The following ZNF782 variants were observed in gnomAD, a reference collection of about 807,000 sequenced individuals.
ZNF782 encodes zinc finger protein 782.
A neutral mutation model predicts 13.0 loss-of-function variants in ZNF782; 12 were observed. That is an observed-to-expected ratio of 0.92 (90% CI 0.59 to 1.50). ZNF782 has a LOEUF of 1.50. Ranked by LOEUF, ZNF782 falls within the 40% of genes most tolerant of loss-of-function variation. ZNF782 has a pLI of 0.00. For synonymous variants in ZNF782, 284 were observed against 283.0 expected (o/e 1.00, Z -0.04); for missense variants, 770 against 822.9 (o/e 0.94, Z 0.79).
At chr9:96,920,359 T>A in the ZNF782 span, among the ~76,000 whole-genome samples, 1 of 145,882 alleles carries the variant, frequency 6.9e-6, no homozygotes, top group Non-Finnish European at 1.5e-5. Flanking sequence ...CTCTGCCTCC[T>A]GGGTTCATGC....
intron 3 of ZNF782, 56 bp from the exon 4 acceptor site, chr9:96,845,072 G>A (rs559211923): frequency 1.6e-5 from 26 of 1,601,474 alleles, no homozygotes; most frequent in East Asian, 1.1e-4. Context: ...AAAGGAAAAC[G>A]TTTTCGGAAA....
the ZNF782 span, among the ~76,000 whole-genome samples, chr9:96,882,710 T>C: frequency 6.6e-6 from 1 of 152,226 alleles, no homozygotes; most frequent in Non-Finnish European, 1.5e-5. Context: ...CATTCCATGA[T>C]TGTTTTAACT....
intron 4 of ZNF782, among the ~76,000 whole-genome samples, chr9:96,841,225 A>T (rs1258997907): frequency 6.6e-6 from 1 of 151,960 alleles, no homozygotes; most frequent in African/African-American, 2.4e-5. Flanking sequence ...GAATATCCAT[A>T]TATATGACTT....
chr9:96,890,693 G>A, the ZNF782 span: 1 of 152,164 alleles, frequency 6.6e-6, no homozygotes, highest in Non-Finnish European at 1.5e-5. Flanking sequence ...CTGTGCCTTA[G>A]CCACCTTTTA....
At chr9:96,925,727 A>C in the ZNF782 span, among the ~76,000 whole-genome samples, 1 of 148,804 alleles carries the variant, frequency 6.7e-6, no homozygotes, top group Middle Eastern at 3.4e-3. Context: ...CTTTCTGCTC[A>C]TTTGCAGGAT....
At chr9:96,878,148 A>G (rs1851917041), upstream of ZNF782, among the ~76,000 whole-genome samples, 1 of 152,212 alleles carries the variant, frequency 6.6e-6, no homozygotes, top group African/African-American at 2.4e-5. Flanking sequence ...TCCCGGGTTC[A>G]AGAGATTCTC....
chr9:96,888,823 C>G, the ZNF782 span: 1 of 152,324 alleles, frequency 6.6e-6, no homozygotes, highest in African/African-American at 2.4e-5. Flanking sequence ...GCAAAAGCAT[C>G]TGTCATGAAT....
At chr9:96,876,744 G>T (rs1229850615), upstream of ZNF782, among the ~76,000 whole-genome samples, 4 of 151,886 alleles carry the variant, frequency 2.6e-5, no homozygotes, top group Non-Finnish European at 4.4e-5. Flanking sequence ...TGTGGCTCAC[G>T]CCTGTAATCC....
chr9:96,849,509 A>G (rs1479431209), intron 3 of ZNF782, among the ~76,000 whole-genome samples: 1 of 152,266 alleles, frequency 6.6e-6, no homozygotes, highest in Non-Finnish European at 1.5e-5. Flanking sequence ...TTATACAAAT[A>G]TCAACTCAAG....
the ZNF782 span, among the ~76,000 whole-genome samples, chr9:96,912,297 C>T: frequency 2.9e-5 from 4 of 139,770 alleles, no homozygotes; most frequent in Non-Finnish European, 6.2e-5. Flanking sequence ...GAGGCTAAGG[C>T]GGGCAGATCA....
At chr9:96,852,289 G>T (rs1470910712) in intron 2 of ZNF782, among the ~76,000 whole-genome samples, 1 of 152,170 alleles carries the variant, frequency 6.6e-6, no homozygotes, top group Non-Finnish European at 1.5e-5. Flanking sequence ...CAAAAATAAA[G>T]ACAATACAGG....
chr9:96,839,277 CTTTT>C (rs201411107), intron 4 of ZNF782, among the ~76,000 whole-genome samples: 1 of 100,228 alleles, frequency 1.0e-5, no homozygotes, highest in Non-Finnish European at 2.3e-5. Context: ...TTACTTGGGA[CTTTT>C]TTTTTTTTTT....
At chr9:96,898,264 A>T in the ZNF782 span, 1 of 148,914 alleles carries the variant, frequency 6.7e-6, no homozygotes. Flanking sequence ...CTTCACATCA[A>T]AGGAGACCAA....
At chr9:96,877,894 T>C (rs1479895576), upstream of ZNF782, among the ~76,000 whole-genome samples, 1 of 152,272 alleles carries the variant, frequency 6.6e-6, no homozygotes, top group African/African-American at 2.4e-5. Context: ...GCTTCTGTTT[T>C]ATTAAATACA....
chr9:96,851,909 CATT>C (rs768258658), intron 3 of ZNF782, 35 bp downstream of exon 3: 1 of 1,603,502 alleles, frequency 6.2e-7, no homozygotes, highest in Non-Finnish European at 8.5e-7. Context: ...TCATAAAATC[CATT>C]ACAATACAAA....
intron 5 of ZNF782, among the ~76,000 whole-genome samples, chr9:96,825,355 G>A (rs1850581702): frequency 6.6e-6 from 1 of 150,690 alleles, no homozygotes. Flanking sequence ...CTAGCCATAT[G>A]TAGAAAGCTG....
At chr9:96,922,628 G>C in the ZNF782 span, among the ~76,000 whole-genome samples, 3 of 151,958 alleles carry the variant, frequency 2.0e-5, no homozygotes, top group Admixed American at 6.5e-5. Flanking sequence ...CAAAAAAATA[G>C]CCGGGCCTGG....
intron 1 of ZNF782, among the ~76,000 whole-genome samples, chr9:96,867,207 T>C (rs917958601): frequency 2.6e-5 from 4 of 152,174 alleles, no homozygotes; most frequent in African/African-American, 7.2e-5. Context: ...TTTCCACGTG[T>C]TGTGGGAGGG....
the ZNF782 span, among the ~76,000 whole-genome samples, chr9:96,927,352 T>C: frequency 3.3e-5 from 5 of 152,058 alleles, no homozygotes; most frequent in South Asian, 1.0e-3. Context: ...AGCCACTTTA[T>C]GTTAGGAAAG....
Sources: allele counts gnomAD v4.1 joint callset (sites outside exome capture counted in the v4.1 genomes callset), GRCh38; gene constraint gnomAD v4.1.1; transcripts MANE v1.5; gene names NCBI Gene and HGNC (gene_info 2026-07-23, HGNC 2026-07-21).